DHX57: variants seen among roughly 807,000 people sequenced by gnomAD.
DHX57 encodes the protein putative ATP-dependent RNA helicase DHX57.
A neutral mutation model predicts 156.2 loss-of-function variants in DHX57; 105 were observed. The ratio of observed to expected loss-of-function variants is 0.67; its 90% CI spans 0.57 to 0.79. The LOEUF is 0.79. Among genes scored for constraint, DHX57 ranks in the 30% least tolerant of loss-of-function variants. DHX57 has a pLI of 0.00. For missense variants in DHX57, 1,847 were observed against 1,661.9 expected (o/e 1.11, Z -1.94); for synonymous variants, 704 against 595.6 (o/e 1.18, Z -2.65).
intron 12 of DHX57, among the ~76,000 whole-genome samples, chr2:38,840,305 G>C (rs1572671269): frequency 6.6e-6 from 1 of 151,922 alleles, no homozygotes; most frequent in East Asian, 1.9e-4. Flanking sequence ...ACTAGAAAAT[G>C]CCTTAAAAAT....
At chr2:38,865,582 T>C (rs900013778) in intron 2 of DHX57, among the ~76,000 whole-genome samples, 1 of 152,218 alleles carries the variant, frequency 6.6e-6, no homozygotes, top group Non-Finnish European at 1.5e-5. Flanking sequence ...TTTTGATACA[T>C]GCATACAATG....
chr2:38,854,970 T>A, intron 8 of DHX57, 87 bp downstream of exon 8: 3 of 1,297,304 alleles, frequency 2.3e-6, no homozygotes, highest in Non-Finnish European at 3.4e-6. Context: ...ATATCCCAAA[T>A]TGCCCATGAA....
At position 38,802,153 on chromosome 2, in the gene DHX57, T is replaced by C. The variant is rs1669712331; in HGVS notation, c.4017+562A>G. 2.0e-5 allele frequency among the ~76,000 whole-genome samples: 3 copies of C among 152,294 alleles called. No homozygotes were observed. The South Asian group carries it at 6.2e-4, about 32-fold the overall frequency. ...CACCCTCACTTTACAGCTTCTGTCC[T>C]AGCCTTTTATACTAACCTCAGCCCG... On this transcript the variant is annotated intron_variant, in intron 23 of 23. Coordinates refer to ENST00000457308, the MANE Select transcript of DHX57 (RefSeq NM_198963.3).
chr2:38,798,472 C>A (rs774678649), intron 23 of DHX57, 30 bp from the exon 24 acceptor site: 73 of 1,586,760 alleles, frequency 4.6e-5, no homozygotes, highest in Non-Finnish European at 6.1e-5. Context: ...ATAAGCAGTG[C>A]TTGGAGGAAC....
intron 23 of DHX57, 89 bp downstream of exon 23, chr2:38,802,626 C>A (rs1669739558): frequency 1.3e-6 from 2 of 1,497,028 alleles, no homozygotes; most frequent in Non-Finnish European, 1.8e-6. Context: ...TACCTTGGTC[C>A]CTAGAGGAAT....
chr2:38,873,704 C>G (rs1665460036), intron 1 of DHX57, among the ~76,000 whole-genome samples: 1 of 152,082 alleles, frequency 6.6e-6, no homozygotes, highest in African/African-American at 2.4e-5. Context: ...TATTATGTGC[C>G]AGATCCTGGG....
chr2:38,851,026 G>C (rs915325322), intron 9 of DHX57, among the ~76,000 whole-genome samples: 10 of 151,760 alleles, frequency 6.6e-5, no homozygotes, highest in Non-Finnish European at 1.2e-4. Flanking sequence ...GCAGTGAGCT[G>C]AGACTGCACC....
intron 20 of DHX57, among the ~76,000 whole-genome samples, chr2:38,815,071 C>CTT (rs370170763): frequency 8.2e-4 from 119 of 144,454 alleles, no homozygotes; most frequent in Non-Finnish European, 1.4e-3. Flanking sequence ...TTTTTTTATA[C>CTT]TTTTTTTTTT....
In DHX57 at chr2:38,798,542, T is replaced by C. The variant is rs550505356; in HGVS notation, c.4018-100A>G. The C allele has an allele frequency of 6.4e-5, 87 of 1,368,818 alleles. No homozygotes were observed. In the African/African-American group the frequency reaches 1.1e-3, roughly 18 times the overall value. 84.8% of individuals were successfully genotyped at this position (1,368,818 alleles called of 1,614,324 possible). ...TTATGATTACCATTATTTAGATTTC[T>C]GGTACTAATTTTAACTCCATTAGGA... On this transcript the variant is annotated intron_variant, in intron 23 of 23. Transcript: ENST00000457308.
At chr2:38,875,554 G>C (rs1438167996) in intron 1 of DHX57, among the ~76,000 whole-genome samples, 4 of 150,768 alleles carry the variant, frequency 2.7e-5, no homozygotes, top group Non-Finnish European at 5.9e-5. Context: ...CCTGCAGTTT[G>C]AGCGTGGACA....
At chr2:38,825,073 A>C (rs1008718487) in intron 16 of DHX57, among the ~76,000 whole-genome samples, 2 of 152,254 alleles carry the variant, frequency 1.3e-5, no homozygotes, top group African/African-American at 4.8e-5. Context: ...TTAAAAAAAA[A>C]CAAATTATGA....
intron 13 of DHX57, among the ~76,000 whole-genome samples, chr2:38,835,794 A>G (rs1671622245): frequency 6.6e-6 from 1 of 152,238 alleles, no homozygotes; most frequent in Non-Finnish European, 1.5e-5. Context: ...GATGCTGGAC[A>G]AAGCTGTGTC....
intron 1 of DHX57, among the ~76,000 whole-genome samples, chr2:38,874,235 G>A (rs1027100892): frequency 1.3e-5 from 2 of 151,552 alleles, no homozygotes; most frequent in South Asian, 2.1e-4. Context: ...GGGACCACAG[G>A]TGCACCACCA....
chr2:38,850,489 T>C (rs1260101238), intron 9 of DHX57, among the ~76,000 whole-genome samples: 1 of 152,072 alleles, frequency 6.6e-6, no homozygotes, highest in Non-Finnish European at 1.5e-5. Context: ...CTCAAACTCC[T>C]GGGCTCAAGT....
At chr2:38,834,606 G>A (rs1328907366) in intron 13 of DHX57, among the ~76,000 whole-genome samples, 1 of 152,082 alleles carries the variant, frequency 6.6e-6, no homozygotes, top group Non-Finnish European at 1.5e-5. Flanking sequence ...GTGTTTAGTG[G>A]AATACAGTAA....
At chr2:38,809,758 C>T (rs111416486) in intron 21 of DHX57, among the ~76,000 whole-genome samples, 1 of 151,652 alleles carries the variant, frequency 6.6e-6, no homozygotes, top group East Asian at 1.9e-4. Context: ...CCACCGCACT[C>T]GGCCTTCTTT....
intron 22 of DHX57, among the ~76,000 whole-genome samples, chr2:38,805,111 T>C (rs1669878973): frequency 6.6e-6 from 1 of 151,850 alleles, no homozygotes; most frequent in South Asian, 2.1e-4. Context: ...AAAAGAGGAG[T>C]AGTTCTTTCT....
intron 1 of DHX57, among the ~76,000 whole-genome samples, chr2:38,874,149 T>C (rs1357244129): frequency 2.0e-5 from 3 of 152,070 alleles, no homozygotes; most frequent in East Asian, 1.9e-4. Context: ...TGCAGTGCAG[T>C]GGTACGATCA....
intron 9 of DHX57, among the ~76,000 whole-genome samples, chr2:38,851,963 C>G (rs2124904919): frequency 6.6e-6 from 1 of 152,072 alleles, no homozygotes; most frequent in African/African-American, 2.4e-5. Context: ...TCTGGAGTTT[C>G]TACAAAAAGA....
Sources: allele counts gnomAD v4.1 joint callset (sites outside exome capture counted in the v4.1 genomes callset), GRCh38; gene constraint gnomAD v4.1.1; transcripts MANE v1.5; gene names NCBI Gene and HGNC (gene_info 2026-07-23, HGNC 2026-07-21).